Variants in UBASH3B observed in about 807,000 individuals in gnomAD.
UBASH3B encodes the protein ubiquitin-associated and SH3 domain-containing protein B.
Under a neutral mutation model 83.4 loss-of-function variants are expected in UBASH3B, and 37 were observed. That is an observed-to-expected ratio of 0.44 (90% CI 0.34 to 0.58). UBASH3B has a LOEUF of 0.58. UBASH3B is among the 20% of genes least tolerant of loss of function. UBASH3B has a pLI of 0.01. For synonymous variants in UBASH3B, 304 were observed against 318.3 expected (o/e 0.96, Z 0.48); for missense variants, 657 against 827.2 (o/e 0.79, Z 2.52).
intron 11 of UBASH3B, among the ~76,000 whole-genome samples, chr11:122,803,050 A>T (rs4936747): frequency 0.22 from 33,895 of 152,078 alleles, 4,658 homozygotes; most frequent in East Asian, 0.4. Context: ...TACACACCCC[A>T]CCAGCAGTGT....
rs1861432945 is a variant in UBASH3B, at chr11:122,810,796, G to T, written c.*910G>T. Reference sequence around the variant, plus strand: ...TAACTAGTTAAGGATGTTACATTTTGAAAGGATGTATGTTAGATATATTAT... The same window carrying T: ...TAACTAGTTAAGGATGTTACATTTTTAAAGGATGTATGTTAGATATATTAT... On this transcript the variant is annotated 3_prime_UTR_variant, in exon 14 of 14. Transcript: ENST00000284273. The T allele has an allele frequency of 6.6e-6, 1 of 152,176 alleles. No individual in the cohort carries two copies. The highest frequency in any genetic ancestry group is 6.5e-5 in the Admixed American group (1 of 15,270). 9.4% of individuals were successfully genotyped at this position (152,176 alleles called of 1,614,324 possible). A position where few individuals can be genotyped will look rare whatever the true frequency, so the allele number is the denominator to read the frequency against.
intron 1 of UBASH3B, among the ~76,000 whole-genome samples, chr11:122,725,431 C>G (rs1860721037): frequency 6.6e-6 from 1 of 151,832 alleles, no homozygotes; most frequent in Non-Finnish European, 1.5e-5. Context: ...AGAGAGGGCC[C>G]AACCTTAACC....
At chr11:122,678,110 C>A (rs1863691164) in intron 1 of UBASH3B, among the ~76,000 whole-genome samples, 2 of 152,240 alleles carry the variant, frequency 1.3e-5, no homozygotes, top group Non-Finnish European at 2.9e-5. Context: ...GAATTCCTCC[C>A]ATGAACTTGT....
At position 122,810,958 on chromosome 11, in the gene UBASH3B, G is replaced by A. The variant is rs1861436142; in HGVS notation, c.*1072G>A. On this transcript the variant is annotated 3_prime_UTR_variant, in exon 14 of 14. Transcript: ENST00000284273. ...GCATCAATTATACCAGGGATGTATA[G>A]TAAGTCAGGGAACTAATATAAATGA... is the stretch of plus-strand genomic sequence containing the variant. The A allele has an allele frequency of 1.3e-5, 2 of 152,236 alleles. No individual in the cohort carries two copies. The highest frequency in any genetic ancestry group is 4.8e-5 in the African/African-American group (2 of 41,446). The allele number at this position is 152,236 out of a possible 1,614,324, so 9.4% of individuals were successfully genotyped here.
rs368913877 is a variant in UBASH3B, at chr11:122,770,682, G to T, written c.162-5537G>T. ...CACTATTCGCCTGGAACAATACTAAGCTCACTGTCACTGTCACCCCCAGCC... is the reference window on the plus strand; with the variant it reads ...CACTATTCGCCTGGAACAATACTAATCTCACTGTCACTGTCACCCCCAGCC... On this transcript the variant is annotated intron_variant, in intron 1 of 13. Coordinates refer to ENST00000284273, the MANE Select transcript of UBASH3B (RefSeq NM_032873.5). Among the ~76,000 whole-genome samples the T allele has an allele frequency of 8.5e-5, 13 of 152,224 alleles. No homozygotes were observed. The East Asian group carries it at 2.1e-3, about 25-fold the overall frequency.
In UBASH3B at chr11:122,731,996, G is replaced by GAC. The variant is rs35785133; in HGVS notation, c.162-44206_162-44205dup. On this transcript the variant is annotated intron_variant, in intron 1 of 13. Transcript: ENST00000284273. ...GAGCCTATGTGTCTCCCACCCCGAC[G>GAC]ACACACACACACACACACCATGCTC... Among the ~76,000 whole-genome samples the GAC allele has an allele frequency of 5.3e-3, 807 of 151,102 alleles. 6 individuals are homozygous for GAC. The highest frequency in any genetic ancestry group is 0.015 in the African/African-American group (628 of 41,152).
intron 1 of UBASH3B, among the ~76,000 whole-genome samples, chr11:122,722,943 G>A (rs1591786624): frequency 6.6e-6 from 1 of 152,134 alleles, no homozygotes; most frequent in Non-Finnish European, 1.5e-5. Context: ...CTGATCTCAT[G>A]ATCCGCCCAT....
At chr11:122,791,001 G>T (rs1172966877) in intron 6 of UBASH3B, among the ~76,000 whole-genome samples, 1 of 151,794 alleles carries the variant, frequency 6.6e-6, no homozygotes, top group East Asian at 1.9e-4. Context: ...ATCTCTTAGA[G>T]TTCACTCCAT....
intron 1 of UBASH3B, among the ~76,000 whole-genome samples, chr11:122,671,761 A>G (rs1228450021): frequency 3.9e-5 from 6 of 152,066 alleles, no homozygotes; most frequent in Non-Finnish European, 8.8e-5. Context: ...CCTCGGTGAG[A>G]TGGCCTGCAT....
intron 1 of UBASH3B, among the ~76,000 whole-genome samples, chr11:122,755,051 C>T (rs1861261862): frequency 6.6e-6 from 1 of 152,160 alleles, no homozygotes; most frequent in Non-Finnish European, 1.5e-5. Flanking sequence ...TTAAAGAAGC[C>T]ATTGTTCTCT....
intron 6 of UBASH3B, among the ~76,000 whole-genome samples, chr11:122,792,912 G>C (rs900073438): frequency 2.0e-5 from 3 of 151,570 alleles, no homozygotes; most frequent in Admixed American, 6.6e-5. Context: ...ATATGCACAA[G>C]GGTTCAAAAT....
intron 1 of UBASH3B, among the ~76,000 whole-genome samples, chr11:122,750,265 C>T (rs1157914479): frequency 2.0e-5 from 3 of 152,058 alleles, no homozygotes; most frequent in Non-Finnish European, 2.9e-5. Context: ...AGTTGCAGGG[C>T]CCCCCCACCT....
chr11:122,744,710 GTGTGTGACCTGA>G (rs1222668518), intron 1 of UBASH3B, among the ~76,000 whole-genome samples: 1 of 151,696 alleles, frequency 6.6e-6, no homozygotes, highest in African/African-American at 2.4e-5. Flanking sequence ...ATGTGCAACT[GTGTGTGACCTGA>G]TGTGAGTGTT....
At chr11:122,789,630 A>T (rs1238086704) in intron 6 of UBASH3B, among the ~76,000 whole-genome samples, 5 of 152,110 alleles carry the variant, frequency 3.3e-5, no homozygotes, top group African/African-American at 1.2e-4. Context: ...GCTTCTGTCC[A>T]CCTTATCCTG....
At chr11:122,744,261 C>T (rs556010357) in intron 1 of UBASH3B, among the ~76,000 whole-genome samples, 1 of 152,142 alleles carries the variant, frequency 6.6e-6, no homozygotes, top group South Asian at 2.1e-4. Context: ...TGAGTTTGTG[C>T]TGTGTGAGCC....
At chr11:122,761,779 CTTTTTTTTTTTTTTTTT>C (rs138806467) in intron 1 of UBASH3B, among the ~76,000 whole-genome samples, 1 of 65,408 alleles carries the variant, frequency 1.5e-5, no homozygotes, top group East Asian at 4.0e-4. Context: ...CTCCCAGATC[CTTTTTTTTTTTTTTTTT>C]TTTTTTTTTT....
chr11:122,742,816 A>T (rs202156085), intron 1 of UBASH3B, among the ~76,000 whole-genome samples: 1 of 152,206 alleles, frequency 6.6e-6, no homozygotes, highest in East Asian at 1.9e-4. Flanking sequence ...TCATACTATG[A>T]CTTCCCCTTA....
intron 3 of UBASH3B, among the ~76,000 whole-genome samples, chr11:122,778,575 G>T: frequency 7.1e-6 from 1 of 140,564 alleles, no homozygotes. Context: ...TTTTTCACAA[G>T]CAAGGAGAAC....
At position 122,743,964 on chromosome 11, in the gene UBASH3B, C is replaced by T. The variant is rs545270869; in HGVS notation, c.162-32255C>T. Among the ~76,000 whole-genome samples, 6 of 152,326 alleles carry T rather than the reference C, an allele frequency of 3.9e-5. No homozygotes were observed. In the East Asian group the frequency reaches 7.7e-4, roughly 20 times the overall value. ...GATCAGGGTGGCTGCATCAGACAGG[C>T]GTTCAGTACCTTTCCCACCAGAGCT... On this transcript the variant is annotated intron_variant, in intron 1 of 13. Coordinates refer to ENST00000284273, the MANE Select transcript of UBASH3B (RefSeq NM_032873.5).
Sources: allele counts gnomAD v4.1 joint callset (sites outside exome capture counted in the v4.1 genomes callset), GRCh38; gene constraint gnomAD v4.1.1; transcripts MANE v1.5; gene names NCBI Gene and HGNC (gene_info 2026-07-23, HGNC 2026-07-21).